Variants in KCNK13 observed in about 807,000 individuals in gnomAD.
KCNK13 encodes the protein potassium two pore domain channel subfamily K member 13.
Under a neutral mutation model 23.4 loss-of-function variants are expected in KCNK13, and 12 were observed. That is an observed-to-expected ratio of 0.51 (90% confidence interval 0.33 to 0.83). The LOEUF is 0.83. Among genes scored for constraint, KCNK13 ranks in the 40% least tolerant of loss-of-function variants. The pLI, the probability that KCNK13 is intolerant of heterozygous loss-of-function variation, is 0.02. For missense variants in KCNK13, 463 were observed against 556.3 expected (o/e 0.83, Z 1.69); for synonymous variants, 231 against 229.5 (o/e 1.01, Z -0.06).
At chr14:90,174,007 A>G (rs771864940) in intron 1 of KCNK13, among the ~76,000 whole-genome samples, 5 of 152,166 alleles carry the variant, frequency 3.3e-5, no homozygotes, top group Non-Finnish European at 7.4e-5. Context: ...AGAGTCCCTT[A>G]TAAAACTGTC....
In KCNK13 at chr14:90,158,819, C is replaced by T. The variant is rs996667467; in HGVS notation, c.335-25292C>T. ...AAATGTAACAAGACCTAACAAGCAACGTAACCACAGCCTGGGACAGGCCGT... is the reference window on the plus strand; with the variant it reads ...AAATGTAACAAGACCTAACAAGCAATGTAACCACAGCCTGGGACAGGCCGT... On this transcript the variant is annotated intron_variant, in intron 1 of 1. Transcript: ENST00000282146. Among the ~76,000 whole-genome samples the T allele has an allele frequency of 5.3e-5, 8 of 152,304 alleles. No homozygotes were observed. The South Asian group carries it at 6.2e-4, about 12-fold the overall frequency.
intron 1 of KCNK13, among the ~76,000 whole-genome samples, chr14:90,122,851 G>A (rs1889755082): frequency 1.3e-5 from 2 of 152,170 alleles, no homozygotes; most frequent in African/African-American, 2.4e-5. Flanking sequence ...CACCTAATAA[G>A]CCTTCATATC....
intron 1 of KCNK13, among the ~76,000 whole-genome samples, chr14:90,135,965 G>A (rs1245847460): frequency 6.6e-6 from 1 of 152,006 alleles, no homozygotes; most frequent in African/African-American, 2.4e-5. Flanking sequence ...CACTTCACAG[G>A]TGCTGGGAGC....
chr14:90,105,079 C>T (rs1328759563), intron 1 of KCNK13, among the ~76,000 whole-genome samples: 1 of 151,914 alleles, frequency 6.6e-6, no homozygotes, highest in Non-Finnish European at 1.5e-5. Flanking sequence ...CATGAGCCAC[C>T]AGCCAGGATC....
chr14:90,180,649 T>G (rs1283776658), intron 1 of KCNK13, among the ~76,000 whole-genome samples: 1 of 152,114 alleles, frequency 6.6e-6, no homozygotes. Context: ...ACCAAAAAAA[T>G]AAGATAGAAT....
chr14:90,131,086 G>A (rs1456029314), intron 1 of KCNK13, among the ~76,000 whole-genome samples: 1 of 152,058 alleles, frequency 6.6e-6, no homozygotes, highest in Non-Finnish European at 1.5e-5. Flanking sequence ...AGAACTTATG[G>A]AAAGCACCTG....
At chr14:90,140,608 C>T (rs1382571912) in intron 1 of KCNK13, among the ~76,000 whole-genome samples, 1 of 152,090 alleles carries the variant, frequency 6.6e-6, no homozygotes, top group Non-Finnish European at 1.5e-5. Flanking sequence ...TTTAATGTTG[C>T]GCCCTTGAAA....
At chr14:90,148,786 G>A (rs751364113) in intron 1 of KCNK13, among the ~76,000 whole-genome samples, 5 of 152,202 alleles carry the variant, frequency 3.3e-5, no homozygotes, top group Non-Finnish European at 5.9e-5. Flanking sequence ...AATCATATTC[G>A]CTCTGCTAAT....
At chr14:90,165,520 C>A (rs139740015) in intron 1 of KCNK13, among the ~76,000 whole-genome samples, 6 of 152,150 alleles carry the variant, frequency 3.9e-5, no homozygotes, top group African/African-American at 1.2e-4. Context: ...TTCTCACTCA[C>A]GTTGAAGAAA....
chr14:90,091,667 T>G (rs935137036), intron 1 of KCNK13, among the ~76,000 whole-genome samples: 5 of 151,488 alleles, frequency 3.3e-5, no homozygotes, highest in African/African-American at 1.2e-4. Flanking sequence ...CAGACAGTGA[T>G]GCATGAAGGG....
At chr14:90,117,462 C>T (rs1026882940) in intron 1 of KCNK13, among the ~76,000 whole-genome samples, 3 of 152,022 alleles carry the variant, frequency 2.0e-5, no homozygotes, top group South Asian at 2.1e-4. Flanking sequence ...TGGTGGCGCG[C>T]GCCTGTAGTC....
At chr14:90,082,914 G>C (rs559501266) in intron 1 of KCNK13, among the ~76,000 whole-genome samples, 1 of 151,920 alleles carries the variant, frequency 6.6e-6, no homozygotes, top group Admixed American at 6.6e-5. Flanking sequence ...AGTGTACAAG[G>C]GTTCCAATTT....
In KCNK13 at chr14:90,184,005, T is replaced by C; in HGVS notation, c.335-106T>C. The C allele has an allele frequency of 2.0e-6, 2 of 1,002,318 alleles. No individual in the cohort carries two copies. Among genetic ancestry groups the C allele is most frequent in the Non-Finnish European group, 3.0e-6 (2 of 669,172 alleles). The allele number at this position is 1,002,318 out of a possible 1,614,324, so 62.1% of individuals were successfully genotyped here. On this transcript the variant is annotated intron_variant, in intron 1 of 1. Transcript: ENST00000282146. This position sits in a 1 kb window ranked among gnomAD's most constrained non-coding sequence, Gnocchi z 5.6. Reference sequence around the variant, plus strand: ...CCTAGAAAGACTAAGGCTGAGTGATTTTATGAAACTCTCTTTAGGTCCTTT... The same window carrying C: ...CCTAGAAAGACTAAGGCTGAGTGATCTTATGAAACTCTCTTTAGGTCCTTT...
chr14:90,133,091 AT>A (rs758541428), intron 1 of KCNK13, among the ~76,000 whole-genome samples: 33 of 152,294 alleles, frequency 2.2e-4, no homozygotes, highest in African/African-American at 6.7e-4. Context: ...CCGCAAAGAG[AT>A]GTCAGCAGGA....
At chr14:90,065,503 A>C (rs1888997238) in intron 1 of KCNK13, among the ~76,000 whole-genome samples, 1 of 152,138 alleles carries the variant, frequency 6.6e-6, no homozygotes, top group Non-Finnish European at 1.5e-5. Context: ...CGAGGAAGGA[A>C]AGTAAGTTAA....
intron 1 of KCNK13, among the ~76,000 whole-genome samples, chr14:90,068,431 CA>C (rs1014529958): frequency 6.6e-6 from 1 of 151,472 alleles, no homozygotes; most frequent in Non-Finnish European, 1.5e-5. Flanking sequence ...CCCATCTCTA[CA>C]AAAAAAATAG....
At chr14:90,078,242 A>G (rs1352673963) in intron 1 of KCNK13, among the ~76,000 whole-genome samples, 1 of 152,118 alleles carries the variant, frequency 6.6e-6, no homozygotes, top group East Asian at 1.9e-4. Context: ...CAACATGGCG[A>G]AACCCGGTCT....
chr14:90,185,134 T>C lies in KCNK13; in HGVS notation c.*131T>C, dbSNP rs1011420797. The C allele has an allele frequency of 6.4e-6, 5 of 785,324 alleles. No individual in the cohort carries two copies. In the African/African-American group the frequency reaches 6.9e-5, roughly 11 times the overall value. The allele number at this position is 785,324 out of a possible 1,614,324, so 48.6% of individuals were successfully genotyped here. A position where few individuals can be genotyped will look rare whatever the true frequency, so the allele number is the denominator to read the frequency against. On this transcript the variant is annotated 3_prime_UTR_variant, in exon 2 of 2. Transcript: ENST00000282146. ...GTTCCCGGGAGCCTCCGCAAGCATC[T>C]TTAGAAATCTGATCTCGGCTCCAAC...
intron 1 of KCNK13, among the ~76,000 whole-genome samples, chr14:90,158,608 C>T (rs977035344): frequency 6.6e-6 from 1 of 152,202 alleles, no homozygotes; most frequent in African/African-American, 2.4e-5. Flanking sequence ...AGAAAAAATA[C>T]ATTTCAAAGA....
Sources: gnomAD v4.1 joint callset for allele counts (sites outside exome capture counted in the v4.1 genomes callset) on GRCh38, gnomAD v4.1.1 for gene constraint, Gnocchi (gnomAD v3.1) non-coding constraint, MANE v1.5 for transcripts, NCBI Gene and HGNC (gene_info 2026-07-23, HGNC 2026-07-21) for gene names.